CERK: variants seen among roughly 807,000 people sequenced by gnomAD.
CERK encodes the protein acylsphingosine kinase.
In CERK, 39 loss-of-function variants were observed where a neutral mutation model predicts 63.4. That is an observed-to-expected ratio of 0.61 (90% confidence interval 0.48 to 0.80). CERK has a LOEUF of 0.80. Among genes scored for constraint, CERK ranks in the 30% least tolerant of loss-of-function variants. The probability of loss-of-function intolerance (pLI) is 0.00; values close to 1 mark genes in which losing one functional copy is unlikely to be tolerated. For missense variants in CERK, 670 were observed against 714.1 expected (o/e 0.94, Z 0.70); for synonymous variants, 302 against 280.0 (o/e 1.08, Z -0.78).
chr22:46,734,160 G>A lies in CERK; in HGVS notation c.142+3847C>T, dbSNP rs188507207. Among the ~76,000 whole-genome samples, 295 of 151,622 alleles carry A rather than the reference G, an allele frequency of 1.9e-3. 2 individuals are homozygous for A. Among genetic ancestry groups the A allele is most frequent in the African/African-American group, 7.1e-3 (292 of 41,176 alleles). ...GGAGCAAAAGCATAGCCCCTAAAGG[G>A]TCAGGGTGTCTTTATCCACATAGTC... On this transcript the variant is annotated intron_variant, in intron 1 of 12. Coordinates refer to ENST00000216264, the MANE Select transcript of CERK (RefSeq NM_022766.6).
intron 3 of CERK, among the ~76,000 whole-genome samples, chr22:46,718,813 C>T (rs532558341): frequency 2.0e-5 from 3 of 152,176 alleles, no homozygotes; most frequent in Admixed American, 2.0e-4. Context: ...GTGGCTTACA[C>T]CTGTAATCCT....
intron 12 of CERK, 86 bp downstream of exon 12, chr22:46,689,905 AC>A (rs982178593): frequency 2.1e-5 from 19 of 912,156 alleles, no homozygotes; most frequent in Non-Finnish European, 3.1e-5. Context: ...GCCCCAGGGA[AC>A]CCCCCACCCT....
intron 6 of CERK, among the ~76,000 whole-genome samples, chr22:46,704,994 T>C (rs1319325801): frequency 6.6e-6 from 1 of 151,924 alleles, no homozygotes; most frequent in East Asian, 1.9e-4. Context: ...AGAGAGTAAA[T>C]AAAGATAGTG....
intron 1 of CERK, 116 bp from the exon 2 acceptor site, chr22:46,721,131 G>C: frequency 1.4e-6 from 1 of 706,328 alleles, no homozygotes; most frequent in Non-Finnish European, 2.5e-6. Flanking sequence ...TAGAAATTCA[G>C]GCTGGGTGTG....
chr22:46,731,489 G>A (rs1162774052), intron 1 of CERK, among the ~76,000 whole-genome samples: 2 of 152,244 alleles, frequency 1.3e-5, no homozygotes, highest in East Asian at 1.9e-4. Context: ...CAGTACCAGC[G>A]CCGTTCCCTG....
chr22:46,687,385 C>T (rs2082707812), intron 12 of CERK, among the ~76,000 whole-genome samples, 179 bp from the exon 13 acceptor site: 1 of 152,148 alleles, frequency 6.6e-6, no homozygotes, highest in Non-Finnish European at 1.5e-5. Flanking sequence ...AACGGTCAGA[C>T]GTCACCGTGG....
chr22:46,721,393 C>T (rs1409588461), intron 1 of CERK, among the ~76,000 whole-genome samples: 5 of 152,148 alleles, frequency 3.3e-5, no homozygotes, highest in Admixed American at 1.3e-4. Context: ...CCCGGGTTCG[C>T]GCCATTCTCC....
At chr22:46,690,235 T>C (rs1421124631) in intron 11 of CERK, 35 bp from the exon 12 acceptor site, 1 of 1,587,262 alleles carries the variant, frequency 6.3e-7, no homozygotes, top group Non-Finnish European at 8.6e-7. Context: ...CATTCAGCTC[T>C]AAACGTCATC....
chr22:46,719,953 C>T (rs2082883918), intron 3 of CERK, 133 bp downstream of exon 3: 1 of 1,224,658 alleles, frequency 8.2e-7, no homozygotes, highest in East Asian at 2.4e-5. Context: ...GAAATTAAGT[C>T]AGCCTGACTC....
In CERK at chr22:46,685,745, CGA is replaced by C. The variant is rs1201905865; in HGVS notation, c.*1387_*1388del. 3.9e-5 allele frequency: 6 copies of C among 152,154 alleles called. No individual in the cohort carries two copies. Among genetic ancestry groups the C allele is most frequent in the African/African-American group, 1.4e-4 (6 of 41,432 alleles). 9.4% of individuals were successfully genotyped at this position (152,154 alleles called of 1,614,324 possible). A position where few individuals can be genotyped will look rare whatever the true frequency, so the allele number is the denominator to read the frequency against. ...ATCTGGGTGGGGCTAAACGAGGAAACGAGAAGTTTCCTGTATGCTTCAAAATA... is the reference window on the plus strand; with the variant it reads ...ATCTGGGTGGGGCTAAACGAGGAAACGAAGTTTCCTGTATGCTTCAAAATA... On this transcript the variant is annotated 3_prime_UTR_variant, in exon 13 of 13. Coordinates refer to ENST00000216264, the MANE Select transcript of CERK (RefSeq NM_022766.6).
intron 6 of CERK, among the ~76,000 whole-genome samples, chr22:46,705,684 A>T (rs2082809528): frequency 6.6e-6 from 1 of 151,906 alleles, no homozygotes; most frequent in Non-Finnish European, 1.5e-5. Context: ...CAAACCAACC[A>T]ACCAACCCAA....
chr22:46,732,618 T>G (rs978910782), intron 1 of CERK, among the ~76,000 whole-genome samples: 2 of 150,682 alleles, frequency 1.3e-5, no homozygotes, highest in Non-Finnish European at 3.0e-5. Flanking sequence ...TTGAAAACAC[T>G]GCCAGATTAC....
rs931860778 is a variant in CERK at position 46,703,688 on chromosome 22, G to A, written c.716-1978C>T. On this transcript the variant is annotated intron_variant, in intron 6 of 12. Transcript: ENST00000216264. Reference sequence around the variant, plus strand: ...TCAGACCCCATGCAGCGCCCTTACCGTCCAAGCCACCAGCGTTCTCACCGG... The same window carrying A: ...TCAGACCCCATGCAGCGCCCTTACCATCCAAGCCACCAGCGTTCTCACCGG... Among the ~76,000 whole-genome samples the A allele has an allele frequency of 4.6e-5, 7 of 152,074 alleles. No individual in the cohort carries two copies. The South Asian group carries it at 8.3e-4, about 18-fold the overall frequency.
intron 1 of CERK, among the ~76,000 whole-genome samples, chr22:46,725,579 G>A (rs985386139): frequency 3.3e-5 from 5 of 152,232 alleles, no homozygotes; most frequent in Non-Finnish European, 5.9e-5. Flanking sequence ...TGCAAAGGGC[G>A]GAAGGTGGGA....
intron 5 of CERK, among the ~76,000 whole-genome samples, chr22:46,708,203 T>C (rs1003406760): frequency 1.3e-5 from 2 of 152,216 alleles, no homozygotes; most frequent in Non-Finnish European, 2.9e-5. Context: ...TGATGGCAAA[T>C]ACTGGCTTTC....
intron 3 of CERK, among the ~76,000 whole-genome samples, chr22:46,716,486 C>T (rs552315385): frequency 6.0e-5 from 9 of 148,870 alleles, no homozygotes; most frequent in East Asian, 2.0e-4. Flanking sequence ...CCACCATGCC[C>T]GGCCAAGACC....
Position 46,692,389 on chromosome 22 carries a change from G to A in CERK, c.1127-612C>T, listed in dbSNP as rs1185617276. Among the ~76,000 whole-genome samples the A allele has an allele frequency of 2.1e-5, 3 of 142,690 alleles. No homozygotes were observed. In the East Asian group the frequency reaches 6.1e-4, roughly 29 times the overall value. The allele number at this position is 142,690 out of a possible 152,430, so 93.6% of individuals were successfully genotyped here. ...TGCAGTGAGCTGAGATTGCGCCATTGCACTCCAGACTGGGCAACAAGAGTA... is the reference window on the plus strand; with the variant it reads ...TGCAGTGAGCTGAGATTGCGCCATTACACTCCAGACTGGGCAACAAGAGTA... On this transcript the variant is annotated intron_variant, in intron 10 of 12. Coordinates refer to ENST00000216264, the MANE Select transcript of CERK (RefSeq NM_022766.6).
intron 1 of CERK, chr22:46,735,128 A>G: frequency 6.6e-6 from 1 of 152,362 alleles, no homozygotes; most frequent in East Asian, 1.9e-4. Flanking sequence ...CTAAAGGAAT[A>G]AATGCAGGGT....
chr22:46,697,860 G>A (rs967867009), intron 8 of CERK, among the ~76,000 whole-genome samples: 3 of 152,154 alleles, frequency 2.0e-5, no homozygotes, highest in Non-Finnish European at 4.4e-5. Flanking sequence ...TGGTGACGTC[G>A]CACCCACTGC....
Sources: allele counts gnomAD v4.1 joint callset (sites outside exome capture counted in the v4.1 genomes callset), GRCh38; gene constraint gnomAD v4.1.1; transcripts MANE v1.5; gene names NCBI Gene and HGNC (gene_info 2026-07-23, HGNC 2026-07-21).